The following OXR1 variants were observed in gnomAD, a reference collection of about 807,000 sequenced individuals.
OXR1 encodes the protein oxidation resistance protein 1.
Under a neutral mutation model 104.6 loss-of-function variants are expected in OXR1, and 41 were observed. The ratio of observed to expected loss-of-function variants is 0.39; its 90% CI spans 0.31 to 0.51. OXR1 has a LOEUF of 0.51. Ranked by LOEUF, OXR1 falls within the 20% of genes least tolerant of loss-of-function variation. The pLI, the probability that OXR1 is intolerant of heterozygous loss-of-function variation, is 0.77. For missense variants in OXR1, 955 were observed against 1,031.9 expected, an observed-to-expected ratio of 0.93 and a Z score of 1.02; for synonymous variants, 348 against 348.4, an observed-to-expected ratio of 1.00 and a Z score of 0.01.
chr8:106,746,622 A>G lies in OXR1; in HGVS notation c.2486+760A>G, dbSNP rs539848921. The stretch of plus-strand genomic sequence containing the variant: ...TTATTCAGACCACCAAAGAATATTC[A>G]TCATCCCAGGTTATTCTATTATTAA... On this transcript the variant is annotated intron_variant, in intron 16 of 16. Transcript: ENST00000517566. Among the ~76,000 whole-genome samples the G allele has an allele frequency of 3.9e-5, 6 of 152,356 alleles. No homozygotes were observed. The East Asian group carries it at 9.6e-4, about 24-fold the overall frequency.
At chr8:106,296,672 A>G (rs1813009591) in intron 1 of OXR1, among the ~76,000 whole-genome samples, 1 of 152,176 alleles carries the variant, frequency 6.6e-6, no homozygotes, top group African/African-American at 2.4e-5. Context: ...AGGCCAGTGT[A>G]CATATTAGGG....
intron 3 of OXR1, chr8:106,658,136 C>T: frequency 8.0e-7 from 1 of 1,245,806 alleles, no homozygotes; most frequent in South Asian, 4.1e-5. Flanking sequence ...ACCTCGGGTG[C>T]GGGTCCCCGC....
chr8:106,276,638 A>G (rs1352578735), intron 1 of OXR1, among the ~76,000 whole-genome samples: 1 of 152,032 alleles, frequency 6.6e-6, no homozygotes, highest in Non-Finnish European at 1.5e-5. Context: ...CTCTTTCTCA[A>G]GAGCATGCTT....
intron 3 of OXR1, among the ~76,000 whole-genome samples, chr8:106,580,774 A>G (rs1187873298): frequency 3.9e-5 from 6 of 152,050 alleles, no homozygotes. Flanking sequence ...TTCTTTTTTT[A>G]ATGATGCAAT....
At chr8:106,431,686 A>T (rs531761485) in intron 2 of OXR1, among the ~76,000 whole-genome samples, 4 of 152,208 alleles carry the variant, frequency 2.6e-5, no homozygotes, top group Admixed American at 2.6e-4. Flanking sequence ...CACCTATACT[A>T]GCATCTGGCA....
intron 2 of OXR1, among the ~76,000 whole-genome samples, chr8:106,423,967 C>T (rs1041140290): frequency 6.6e-6 from 1 of 152,090 alleles, no homozygotes; most frequent in African/African-American, 2.4e-5. Flanking sequence ...GACAGAGTCT[C>T]GCTGTGTGGC....
At chr8:106,554,615 T>G (rs1314622350) in intron 3 of OXR1, among the ~76,000 whole-genome samples, 1 of 152,240 alleles carries the variant, frequency 6.6e-6, no homozygotes, top group Non-Finnish European at 1.5e-5. Flanking sequence ...AATGCCATTA[T>G]TGCAACTTTA....
intron 1 of OXR1, among the ~76,000 whole-genome samples, chr8:106,353,940 T>C (rs544959188): frequency 6.6e-6 from 1 of 152,308 alleles, no homozygotes; most frequent in South Asian, 2.1e-4. Context: ...TACTTTCTGC[T>C]TCTATGAGTT....
chr8:106,671,035 ACT>A (rs1181087137), intron 3 of OXR1, among the ~76,000 whole-genome samples: 5 of 120,126 alleles, frequency 4.2e-5, no homozygotes, highest in Non-Finnish European at 8.7e-5. Flanking sequence ...ACAGAGTGAG[ACT>A]CTGTCTCAAA....
intron 6 of OXR1, among the ~76,000 whole-genome samples, chr8:106,686,033 C>T (rs968814894): frequency 1.3e-5 from 2 of 152,074 alleles, no homozygotes; most frequent in African/African-American, 4.8e-5. Flanking sequence ...GAATGGAAAA[C>T]TAAACATCGC....
intron 3 of OXR1, among the ~76,000 whole-genome samples, chr8:106,544,900 T>C (rs1022624340): frequency 2.6e-5 from 4 of 152,244 alleles, no homozygotes; most frequent in Admixed American, 2.0e-4. Context: ...TTAGAGTTTA[T>C]TACTGCAAAA....
intron 1 of OXR1, among the ~76,000 whole-genome samples, chr8:106,312,021 A>C (rs1813724014): frequency 1.3e-5 from 2 of 150,244 alleles, no homozygotes; most frequent in African/African-American, 2.5e-5. Flanking sequence ...CTGCCCACAG[A>C]CCTTTTTTTC....
intron 7 of OXR1, chr8:106,697,337 G>T: frequency 1.0e-6 from 1 of 979,948 alleles, no homozygotes. Context: ...AGAGCTCTGG[G>T]GCTCTCTGGG....
At chr8:106,334,831 A>G (rs1010623738) in intron 1 of OXR1, among the ~76,000 whole-genome samples, 3 of 152,150 alleles carry the variant, frequency 2.0e-5, no homozygotes, top group Non-Finnish European at 4.4e-5. Flanking sequence ...TCCATACTGA[A>G]AGCAGAAAAA....
In OXR1 at chr8:106,707,160, G is replaced by A. The variant is rs775663953; in HGVS notation, c.1624+15G>A. 1.2e-6 allele frequency: 2 copies of A among 1,609,748 alleles called. No homozygotes were observed. Among genetic ancestry groups the A allele is most frequent in the African/African-American group, 1.3e-5 (1 of 74,832 alleles). ...ACACATAGAAAGTAAGTGTTATAGA[G>A]TAAATGAAGTTAGTTCATCCAATTG... On this transcript the variant is annotated intron_variant, in intron 9 of 16. Coordinates refer to ENST00000517566, the MANE Select transcript of OXR1 (RefSeq NM_001198533.2).
At chr8:106,486,259 AAAT>A (rs761114949) in intron 2 of OXR1, among the ~76,000 whole-genome samples, 1 of 152,254 alleles carries the variant, frequency 6.6e-6, no homozygotes, top group East Asian at 1.9e-4. Flanking sequence ...TTAAAAAATA[AAAT>A]AAAACATTTT....
intron 1 of OXR1, among the ~76,000 whole-genome samples, chr8:106,343,685 G>A (rs966653520): frequency 1.3e-5 from 2 of 152,206 alleles, no homozygotes; most frequent in Non-Finnish European, 2.9e-5. Context: ...CCACATGAAA[G>A]TTAAGGAAGG....
At chr8:106,563,603 G>A (rs1199604297) in intron 3 of OXR1, among the ~76,000 whole-genome samples, 1 of 152,036 alleles carries the variant, frequency 6.6e-6, no homozygotes, top group Non-Finnish European at 1.5e-5. Flanking sequence ...TAGCAAGGAT[G>A]TTCAGGACTT....
intron 2 of OXR1, among the ~76,000 whole-genome samples, chr8:106,447,321 T>C (rs1019325687): frequency 2.6e-5 from 4 of 152,174 alleles, no homozygotes; most frequent in Non-Finnish European, 5.9e-5. Flanking sequence ...GGTCTGATGA[T>C]ATAAAAAGAT....
Sources: allele counts gnomAD v4.1 joint callset (sites outside exome capture counted in the v4.1 genomes callset), GRCh38; gene constraint gnomAD v4.1.1; transcripts MANE v1.5; gene names NCBI Gene and HGNC (gene_info 2026-07-23, HGNC 2026-07-21).